Variants in PAPSS2 observed in about 807,000 individuals in gnomAD.
PAPSS2 encodes 3'-phosphoadenosine 5'-phosphosulfate synthase 2, also known as bifunctional 3'-phosphoadenosine 5'-phosphosulfate synthase 2.
PAPSS2 carries 61 observed loss-of-function variants against 66.5 expected under a neutral mutation model. That is an observed-to-expected ratio of 0.92 (90% CI 0.75 to 1.14). The LOEUF is 1.14. Among genes scored for constraint, PAPSS2 ranks in the 50% most tolerant of loss-of-function variants. The pLI, the probability that PAPSS2 is intolerant of heterozygous loss-of-function variation, is 0.00. For synonymous variants in PAPSS2, 289 were observed against 287.5 expected, an observed-to-expected ratio of 1.01 and a Z score of -0.05; for missense variants, 708 against 789.6, an observed-to-expected ratio of 0.90 and a Z score of 1.24.
chr10:87,729,958 T>A (rs1454044672), intron 9 of PAPSS2, among the ~76,000 whole-genome samples: 2 of 151,992 alleles, frequency 1.3e-5, no homozygotes, highest in Non-Finnish European at 2.9e-5. Flanking sequence ...GTAGCGCCAT[T>A]GCACTCCAGC....
At chr10:87,666,702 G>A (rs1347140005) in intron 1 of PAPSS2, among the ~76,000 whole-genome samples, 2 of 151,992 alleles carry the variant, frequency 1.3e-5, no homozygotes, top group Non-Finnish European at 2.9e-5. Flanking sequence ...GCTCTCCTGG[G>A]TACCCTGAGG....
At chr10:87,743,699 T>A (rs1853902220) in intron 11 of PAPSS2, 58 bp downstream of exon 11, 1 of 1,590,594 alleles carries the variant, frequency 6.3e-7, no homozygotes, top group Non-Finnish European at 8.6e-7. Context: ...AGACTTTACA[T>A]AGAAGAGTAA....
At chr10:87,735,580 T>C (rs2131726073) in intron 9 of PAPSS2, among the ~76,000 whole-genome samples, 1 of 152,326 alleles carries the variant, frequency 6.6e-6, no homozygotes, top group African/African-American at 2.4e-5. Flanking sequence ...GCACAGAGTT[T>C]AGAAAAGAGG....
At chr10:87,708,056 A>G (rs952691838) in intron 1 of PAPSS2, among the ~76,000 whole-genome samples, 4 of 152,158 alleles carry the variant, frequency 2.6e-5, no homozygotes, top group African/African-American at 9.7e-5. Context: ...TAATTTAACC[A>G]TTATTATGGA....
intron 1 of PAPSS2, among the ~76,000 whole-genome samples, chr10:87,666,587 A>T (rs1480163837): frequency 6.6e-6 from 1 of 152,008 alleles, no homozygotes; most frequent in African/African-American, 2.4e-5. Flanking sequence ...AGACATCCTT[A>T]GAGATGTGCA....
chr10:87,662,234 G>A (rs1220658598), intron 1 of PAPSS2, among the ~76,000 whole-genome samples: 1 of 152,114 alleles, frequency 6.6e-6, no homozygotes, highest in Non-Finnish European at 1.5e-5. Flanking sequence ...CCTACTGTAT[G>A]CCAGGTGGTA....
intron 10 of PAPSS2, among the ~76,000 whole-genome samples, chr10:87,741,827 G>A (rs1483481803): frequency 6.6e-6 from 1 of 152,192 alleles, no homozygotes; most frequent in Admixed American, 6.5e-5. Flanking sequence ...CATGACCATA[G>A]CTCACTGCAG....
At chr10:87,661,968 T>A (rs996507175) in intron 1 of PAPSS2, among the ~76,000 whole-genome samples, 1 of 152,176 alleles carries the variant, frequency 6.6e-6, no homozygotes, top group Non-Finnish European at 1.5e-5. Flanking sequence ...GCATGTGGAA[T>A]CTCTCAAGCT....
chr10:87,715,151 T>C lies in PAPSS2; in HGVS notation c.753+53T>C. The C allele has an allele frequency of 3.3e-6, 3 of 917,842 alleles. No homozygotes were observed. The South Asian group carries it at 4.0e-5, about 12-fold the overall frequency. The allele number at this position is 917,842 out of a possible 1,614,324, so 56.9% of individuals were successfully genotyped here. A position where few individuals can be genotyped will look rare whatever the true frequency, so the allele number is the denominator to read the frequency against. Reference sequence around the variant, plus strand: ...TTAGGCTTAATATCAGTCATTATAATTTATTTACAATTACTCTTAACAATA... The same window carrying C: ...TTAGGCTTAATATCAGTCATTATAACTTATTTACAATTACTCTTAACAATA... On this transcript the variant is annotated intron_variant, in intron 6 of 12. Coordinates refer to ENST00000456849, the MANE Select transcript of PAPSS2 (RefSeq NM_001015880.2).
intron 1 of PAPSS2, among the ~76,000 whole-genome samples, chr10:87,692,776 T>G (rs1263703076): frequency 6.6e-6 from 1 of 152,188 alleles, no homozygotes; most frequent in Non-Finnish European, 1.5e-5. Flanking sequence ...TTGATTTCAC[T>G]TGGGTCAACC....
rs534530439 is a variant in PAPSS2 at position 87,683,199 on chromosome 10, TCTC to T, written c.27+23194_27+23196del. On this transcript the variant is annotated intron_variant, in intron 1 of 12. Transcript: ENST00000456849. ...TCTCCCTCTCCCGGGTTCAAGCAATTCTCCTGCCTCAGCCTCCTGAGTAGCTGG... is the reference window on the plus strand; with the variant it reads ...TCTCCCTCTCCCGGGTTCAAGCAATTCTGCCTCAGCCTCCTGAGTAGCTGG... Among the ~76,000 whole-genome samples the T allele has an allele frequency of 2.9e-3, 435 of 151,994 alleles. 3 individuals are homozygous for T. Among genetic ancestry groups the T allele is most frequent in the Non-Finnish European group, 4.9e-3 (332 of 67,954 alleles).
chr10:87,728,492 T>G (rs1398180709), intron 9 of PAPSS2, among the ~76,000 whole-genome samples: 2 of 151,958 alleles, frequency 1.3e-5, no homozygotes, highest in African/African-American at 4.8e-5. Context: ...GTAATCCCAG[T>G]ACTTTGGGAG....
intron 10 of PAPSS2, among the ~76,000 whole-genome samples, chr10:87,742,563 A>G (rs1163478600): frequency 1.3e-5 from 2 of 152,248 alleles, no homozygotes; most frequent in African/African-American, 2.4e-5. Context: ...TACTATAGAC[A>G]TAAAAATTAT....
intron 9 of PAPSS2, among the ~76,000 whole-genome samples, chr10:87,728,070 G>A (rs1853682310): frequency 6.6e-6 from 1 of 152,102 alleles, no homozygotes; most frequent in Admixed American, 6.5e-5. Context: ...AAAAAAATGT[G>A]TTCATCTGAT....
intron 1 of PAPSS2, among the ~76,000 whole-genome samples, chr10:87,685,472 G>A (rs1037761507): frequency 3.3e-5 from 5 of 152,092 alleles, no homozygotes; most frequent in Non-Finnish European, 7.4e-5. Flanking sequence ...GCTTGAGCCT[G>A]GGAGTTTGAG....
At chr10:87,706,084 G>GTATATATATATATATATATATATATA (rs532950801) in intron 1 of PAPSS2, among the ~76,000 whole-genome samples, 40 of 60,130 alleles carry the variant, frequency 6.7e-4, no homozygotes, top group South Asian at 1.4e-3. Flanking sequence ...TCTTCACATG[G>GTATATATATATATATATATATATATA]TATATATATA....
chr10:87,702,257 C>A (rs1853328063), intron 1 of PAPSS2, among the ~76,000 whole-genome samples: 2 of 152,188 alleles, frequency 1.3e-5, no homozygotes, highest in South Asian at 4.1e-4. Flanking sequence ...ACTAGGAGTC[C>A]TGTCTATGCA....
intron 7 of PAPSS2, among the ~76,000 whole-genome samples, chr10:87,721,024 T>C (rs1432916143): frequency 6.6e-6 from 1 of 152,204 alleles, no homozygotes; most frequent in African/African-American, 2.4e-5. Flanking sequence ...TTAATGGCTA[T>C]TCTTCCGCAG....
At chr10:87,678,786 T>C (rs2131902538) in intron 1 of PAPSS2, among the ~76,000 whole-genome samples, 1 of 152,086 alleles carries the variant, frequency 6.6e-6, no homozygotes, top group East Asian at 1.9e-4. Flanking sequence ...AAAAAAGTAA[T>C]ACTGGTGAGG....
Sources: gnomAD v4.1 joint callset for allele counts (sites outside exome capture counted in the v4.1 genomes callset) on GRCh38, gnomAD v4.1.1 for gene constraint, MANE v1.5 for transcripts, NCBI Gene and HGNC (gene_info 2026-07-23, HGNC 2026-07-21) for gene names.